The following NAV2 variants were observed in gnomAD, a reference collection of about 807,000 sequenced individuals.
NAV2 encodes the protein neuron navigator 2.
Under a neutral mutation model 223.2 loss-of-function variants are expected in NAV2, and 54 were observed. That is an observed-to-expected ratio of 0.24 (90% confidence interval 0.19 to 0.30). NAV2 has a LOEUF of 0.30. Among genes scored for constraint, NAV2 ranks in the 10% least tolerant of loss-of-function variants. NAV2 has a pLI of 1.00. For missense variants in NAV2, 2,806 were observed against 3,147.5 expected (o/e 0.89, Z 2.60); for synonymous variants, 1,279 against 1,239.3 (o/e 1.03, Z -0.67).
chr11:19,546,454 A>G (rs966826166), intron 1 of NAV2, among the ~76,000 whole-genome samples: 3 of 152,224 alleles, frequency 2.0e-5, no homozygotes, highest in South Asian at 2.1e-4. Flanking sequence ...ACAGCCTGGC[A>G]GCTGGGCAGT....
chr11:19,592,034 A>G (rs1434198740), intron 1 of NAV2, among the ~76,000 whole-genome samples: 2 of 152,350 alleles, frequency 1.3e-5, no homozygotes, highest in East Asian at 3.9e-4. Flanking sequence ...CTTCCCTCCC[A>G]GAATAACATC....
chr11:20,115,434 C>T (rs1592233736), intron 37 of NAV2, among the ~76,000 whole-genome samples: 1 of 151,866 alleles, frequency 6.6e-6, no homozygotes, highest in East Asian at 1.9e-4. Flanking sequence ...AGATCGAGAC[C>T]ATCCTGGCTA....
At chr11:19,610,865 T>C (rs1811632335) in intron 1 of NAV2, among the ~76,000 whole-genome samples, 1 of 152,072 alleles carries the variant, frequency 6.6e-6, no homozygotes, top group Admixed American at 6.5e-5. Context: ...GATGGATGCA[T>C]TCATAAGACC....
intron 1 of NAV2, among the ~76,000 whole-genome samples, chr11:19,460,543 G>T (rs762902057): frequency 1.3e-5 from 2 of 150,994 alleles, no homozygotes; most frequent in African/African-American, 4.9e-5. Flanking sequence ...GCAAACTATC[G>T]CAAGGACAAA....
chr11:19,910,680 G>A (rs1016970499), intron 6 of NAV2, among the ~76,000 whole-genome samples: 1 of 152,060 alleles, frequency 6.6e-6, no homozygotes, highest in South Asian at 2.1e-4. Context: ...GCTACGTGGT[G>A]AAACTCCATG....
intron 5 of NAV2, 109 bp from the exon 6 acceptor site, chr11:19,892,325 A>T (rs574428791): frequency 2.9e-6 from 3 of 1,046,076 alleles, no homozygotes; most frequent in South Asian, 2.0e-5. Flanking sequence ...ACCTCCACAC[A>T]ATGTCTTGGA....
intron 1 of NAV2, among the ~76,000 whole-genome samples, chr11:19,352,451 A>G (rs2133711481): frequency 6.6e-6 from 1 of 152,324 alleles, no homozygotes; most frequent in East Asian, 1.9e-4. Context: ...GGCTAGGTGT[A>G]GATGTCTGCA....
At chr11:19,818,488 TAGTAAAATAC>T (rs914163888) in intron 1 of NAV2, among the ~76,000 whole-genome samples, 3 of 152,080 alleles carry the variant, frequency 2.0e-5, no homozygotes, top group Admixed American at 6.5e-5. Context: ...CCATAAACAA[TAGTAAAATAC>T]AGTAAAATAA....
chr11:20,108,364 A>G (rs1460849278), intron 36 of NAV2, among the ~76,000 whole-genome samples: 1 of 152,208 alleles, frequency 6.6e-6, no homozygotes, highest in Non-Finnish European at 1.5e-5. Context: ...CCCTGACATC[A>G]GCACCCCTAC....
intron 1 of NAV2, among the ~76,000 whole-genome samples, chr11:19,578,057 C>A (rs1206389927): frequency 1.3e-5 from 2 of 152,174 alleles, no homozygotes; most frequent in African/African-American, 4.8e-5. Context: ...ACAAATGACT[C>A]GTATTCCTCC....
chr11:19,912,785 G>A (rs2043427858), intron 6 of NAV2, among the ~76,000 whole-genome samples: 1 of 152,152 alleles, frequency 6.6e-6, no homozygotes, highest in African/African-American at 2.4e-5. Context: ...CAACCAGTGT[G>A]TTTGCTTACA....
At chr11:19,488,104 G>A (rs1304803452) in intron 1 of NAV2, among the ~76,000 whole-genome samples, 1 of 152,150 alleles carries the variant, frequency 6.6e-6, no homozygotes, top group Non-Finnish European at 1.5e-5. Flanking sequence ...CTGTCACTAA[G>A]TGATCCCAGA....
At chr11:19,400,289 T>C (rs961430747) in intron 1 of NAV2, among the ~76,000 whole-genome samples, 3 of 151,974 alleles carry the variant, frequency 2.0e-5, no homozygotes, top group Admixed American at 6.6e-5. Context: ...ATCAATGGAG[T>C]GAGGCTCCAT....
chr11:19,954,452 C>T (rs979775410), intron 10 of NAV2, among the ~76,000 whole-genome samples: 1 of 152,002 alleles, frequency 6.6e-6, no homozygotes, highest in Non-Finnish European at 1.5e-5. Flanking sequence ...GGTTTCAGGA[C>T]CCCCAGAAAA....
At chr11:20,077,668 C>T (rs753888364) in intron 23 of NAV2, 33 bp downstream of exon 23, 1 of 1,526,536 alleles carries the variant, frequency 6.6e-7, no homozygotes, top group Non-Finnish European at 9.1e-7. Context: ...ACCCTCCCTA[C>T]TTGGAGTTAA....
At chr11:19,644,358 A>C (rs2047756213) in intron 1 of NAV2, among the ~76,000 whole-genome samples, 1 of 152,246 alleles carries the variant, frequency 6.6e-6, no homozygotes, top group African/African-American at 2.4e-5. Context: ...TTGTTCCTCC[A>C]GAGGAAGCAT....
chr11:19,979,758 AGGCACTG>A (rs2050137089), intron 10 of NAV2, among the ~76,000 whole-genome samples: 1 of 152,196 alleles, frequency 6.6e-6, no homozygotes, highest in African/African-American at 2.4e-5. Context: ...CCTATATGCC[AGGCACTG>A]GGCTTTCTAA....
chr11:20,057,983 T>G (rs901679879), intron 19 of NAV2, among the ~76,000 whole-genome samples: 5 of 152,194 alleles, frequency 3.3e-5, no homozygotes, highest in African/African-American at 1.2e-4. Context: ...GGGGAATGGA[T>G]AGGGACCGCT....
intron 1 of NAV2, among the ~76,000 whole-genome samples, chr11:19,702,563 G>A (rs2049537458): frequency 2.0e-5 from 3 of 152,094 alleles, no homozygotes; most frequent in African/African-American, 7.2e-5. Flanking sequence ...CAGATTGCTT[G>A]AGCCCAGGAG....
Sources: gnomAD v4.1 joint callset for allele counts (sites outside exome capture counted in the v4.1 genomes callset) on GRCh38, gnomAD v4.1.1 for gene constraint, MANE v1.5 for transcripts, NCBI Gene and HGNC (gene_info 2026-07-23, HGNC 2026-07-21) for gene names.